Variants in CAMKMT observed in about 807,000 individuals in gnomAD.
CAMKMT encodes calmodulin-lysine N-methyltransferase, also known as CaM KMT.
Under a neutral mutation model 48.0 loss-of-function variants are expected in CAMKMT, and 53 were observed. The observed-to-expected ratio is 1.10, with a 90% CI of 0.89 to 1.39. CAMKMT has a LOEUF of 1.39. Among genes scored for constraint, CAMKMT ranks in the 40% most tolerant of loss-of-function variants. The pLI is 0.00. For missense variants in CAMKMT, 428 were observed against 402.7 expected, an observed-to-expected ratio of 1.06 and a Z score of -0.54; for synonymous variants, 165 against 152.3, an observed-to-expected ratio of 1.08 and a Z score of -0.61.
At chr2:44,678,711 T>C (rs1292720191) in intron 3 of CAMKMT, among the ~76,000 whole-genome samples, 1 of 152,220 alleles carries the variant, frequency 6.6e-6, no homozygotes, top group Non-Finnish European at 1.5e-5. Flanking sequence ...AGTAAGACTG[T>C]AATTGTGAAT....
intron 3 of CAMKMT, among the ~76,000 whole-genome samples, chr2:44,573,107 C>T (rs536181870): frequency 4.0e-5 from 6 of 151,880 alleles, no homozygotes; most frequent in South Asian, 2.1e-4. Context: ...GCTGTTTGGC[C>T]GTCTATATCT....
chr2:44,652,419 C>A (rs1000116496), intron 3 of CAMKMT, among the ~76,000 whole-genome samples: 2 of 152,146 alleles, frequency 1.3e-5, no homozygotes, highest in Non-Finnish European at 2.9e-5. Context: ...GCTCAGCGTC[C>A]GCAAGGGAAC....
At chr2:44,445,653 T>G (rs1314881713) in intron 3 of CAMKMT, among the ~76,000 whole-genome samples, 27 of 7,880 alleles carry the variant, frequency 3.4e-3, no homozygotes, top group South Asian at 0.021. Context: ...TAGTTTTTTT[T>G]TTTTTTTTTT....
intron 3 of CAMKMT, among the ~76,000 whole-genome samples, chr2:44,564,310 G>C (rs989003042): frequency 3.3e-5 from 5 of 150,542 alleles, no homozygotes; most frequent in African/African-American, 1.2e-4. Flanking sequence ...CAAGTAGCTG[G>C]ATTACAGGAG....
At chr2:44,680,433 C>A (rs188409413) in intron 3 of CAMKMT, among the ~76,000 whole-genome samples, 1 of 152,222 alleles carries the variant, frequency 6.6e-6, no homozygotes, top group East Asian at 1.9e-4. Context: ...CTGGATTATC[C>A]CCTTCACTTT....
At chr2:44,640,308 GT>G (rs1306800286) in intron 3 of CAMKMT, among the ~76,000 whole-genome samples, 1 of 152,120 alleles carries the variant, frequency 6.6e-6, no homozygotes, top group Non-Finnish European at 1.5e-5. Flanking sequence ...CTATGATTTT[GT>G]TCCCCTTTTA....
intron 3 of CAMKMT, among the ~76,000 whole-genome samples, chr2:44,459,316 A>C (rs1232475905): frequency 6.6e-6 from 1 of 152,210 alleles, no homozygotes; most frequent in Non-Finnish European, 1.5e-5. Context: ...GCCTGATTAT[A>C]CACAAACCCA....
rs1674204402 is a variant in CAMKMT, at chr2:44,653,524, A to G, written c.377-50759A>G. Among the ~76,000 whole-genome samples the G allele has an allele frequency of 6.6e-6, 1 of 152,194 alleles. No homozygotes were observed. The highest frequency in any genetic ancestry group is 1.5e-5 in the Non-Finnish European group (1 of 68,030). On this transcript the variant is annotated intron_variant, in intron 3 of 10. Coordinates refer to ENST00000378494, the MANE Select transcript of CAMKMT (RefSeq NM_024766.5). This position sits in a 1 kb window ranked among gnomAD's most constrained non-coding sequence, Gnocchi z 5.2. ...CACCCAGAGCATTTGTAGCAGAGCT[A>G]GGACTAGACTTCACCTCTTTAGAGC...
intron 3 of CAMKMT, among the ~76,000 whole-genome samples, chr2:44,433,669 TGTCATATGAA>T (rs1181863720): frequency 6.6e-6 from 1 of 152,220 alleles, no homozygotes; most frequent in African/African-American, 2.4e-5. Context: ...AGCATGATAA[TGTCATATGAA>T]TGACTTGGTA....
intron 10 of CAMKMT, among the ~76,000 whole-genome samples, chr2:44,768,050 C>T (rs974230846): frequency 6.6e-6 from 1 of 152,160 alleles, no homozygotes; most frequent in Non-Finnish European, 1.5e-5. Context: ...CCAGGCACGC[C>T]CACCTCTCCT....
chr2:44,558,632 C>T (rs1006523211), intron 3 of CAMKMT, among the ~76,000 whole-genome samples: 1 of 152,082 alleles, frequency 6.6e-6, no homozygotes, highest in Admixed American at 6.5e-5. Context: ...TCCTTTACAG[C>T]AACATGGATG....
chr2:44,466,794 A>G (rs1668137162), intron 3 of CAMKMT, among the ~76,000 whole-genome samples: 1 of 152,208 alleles, frequency 6.6e-6, no homozygotes, highest in Non-Finnish European at 1.5e-5. Context: ...ACAAGACTCC[A>G]ATAACAAAAA....
chr2:44,602,421 C>T (rs1057410940), intron 3 of CAMKMT, among the ~76,000 whole-genome samples: 3 of 152,028 alleles, frequency 2.0e-5, no homozygotes, highest in African/African-American at 7.3e-5. Context: ...ATTAAGAGAA[C>T]AACAAAAATG....
intron 3 of CAMKMT, among the ~76,000 whole-genome samples, chr2:44,536,013 A>G (rs1666752368): frequency 6.6e-6 from 1 of 152,216 alleles, no homozygotes; most frequent in Admixed American, 6.5e-5. Context: ...AATTCAGTAA[A>G]GTTGCAGGAT....
chr2:44,584,145 C>T (rs1015961926), intron 3 of CAMKMT, among the ~76,000 whole-genome samples: 5 of 152,202 alleles, frequency 3.3e-5, no homozygotes, highest in Non-Finnish European at 5.9e-5. Context: ...TTCTTTTGCT[C>T]AGCCTGATGT....
chr2:44,507,389 G>T (rs1670315735), intron 3 of CAMKMT, among the ~76,000 whole-genome samples: 1 of 152,086 alleles, frequency 6.6e-6, no homozygotes, highest in Non-Finnish European at 1.5e-5. Context: ...AAACCTTATG[G>T]ATAGTGTGCA....
chr2:44,686,131 C>A (rs2945041), intron 3 of CAMKMT, among the ~76,000 whole-genome samples: 1 of 152,120 alleles, frequency 6.6e-6, no homozygotes, highest in Non-Finnish European at 1.5e-5. Flanking sequence ...CAGTGGCTCA[C>A]GCCTGTAATC....
chr2:44,624,501 C>CA (rs1203775313), intron 3 of CAMKMT, among the ~76,000 whole-genome samples: 1 of 152,080 alleles, frequency 6.6e-6, no homozygotes, highest in Non-Finnish European at 1.5e-5. Context: ...CAACAGTCCC[C>CA]AGTGTGTGAT....
At chr2:44,725,373 A>G (rs953596348) in intron 7 of CAMKMT, among the ~76,000 whole-genome samples, 1 of 152,208 alleles carries the variant, frequency 6.6e-6, no homozygotes, top group African/African-American at 2.4e-5. Context: ...GTAAGGTACT[A>G]TGATGGGCTT....
Sources: gnomAD v4.1 joint callset for allele counts (sites outside exome capture counted in the v4.1 genomes callset) on GRCh38, gnomAD v4.1.1 for gene constraint, Gnocchi (gnomAD v3.1) non-coding constraint, MANE v1.5 for transcripts, NCBI Gene and HGNC (gene_info 2026-07-23, HGNC 2026-07-21) for gene names.